The following GALNTL5 variants were observed in gnomAD, a reference collection of about 807,000 sequenced individuals.
GALNTL5 encodes the protein inactive polypeptide N-acetylgalactosaminyltransferase-like protein 5.
A neutral mutation model predicts 51.0 loss-of-function variants in GALNTL5; 44 were observed. The observed-to-expected ratio is 0.86, with a 90% confidence interval of 0.68 to 1.11. GALNTL5 has a LOEUF of 1.11. Among genes scored for constraint, GALNTL5 ranks in the 50% least tolerant of loss-of-function variants. The pLI is 0.00. For missense variants in GALNTL5, 528 were observed against 531.8 expected, an observed-to-expected ratio of 0.99 and a Z score of 0.07; for synonymous variants, 192 against 182.8, an observed-to-expected ratio of 1.05 and a Z score of -0.41.
chr7:152,002,842 A>G lies in GALNTL5; in HGVS notation c.787A>G (p.Thr263Ala). The change falls in exon 6 of 9, where the codon ACT becomes GCT. Residue 263 changes from threonine (T) to alanine (A), a missense_variant. Physicochemically the swap from Thr to Ala is moderately conservative, Grantham distance 58. Transcript: ENST00000392800. ...CCTGATAGATGTCATTGATGATAGA[A>G]CTCTGGAGTATAAGCCCTCTCCTCT... ...CPLIDVIDDR[T>A]LEYKPSPLVR... 8 of 1,614,048 alleles carry G rather than the reference A, an allele frequency of 5.0e-6. No individual in the cohort carries two copies. Among genetic ancestry groups the G allele is most frequent in the Non-Finnish European group, 6.8e-6 (8 of 1,180,006 alleles).
At chr7:152,008,727 G>GTTGT (rs139916189) in intron 7 of GALNTL5, among the ~76,000 whole-genome samples, 50,118 of 150,866 alleles carry the variant, frequency 0.33, 8,573 homozygotes, top group Middle Eastern at 0.39. Flanking sequence ...TGTTGTTTTT[G>GTTGT]TTGTTTGTTT....
intron 6 of GALNTL5, among the ~76,000 whole-genome samples, chr7:152,006,380 A>T (rs929572769): frequency 1.1e-4 from 16 of 152,254 alleles, no homozygotes; most frequent in African/African-American, 3.9e-4. Flanking sequence ...CATAACTGAC[A>T]GGAAGTGGGG....
chr7:152,017,861 TTTGAAACAGAG>T (rs1360844474), intron 8 of GALNTL5, among the ~76,000 whole-genome samples: 2 of 152,160 alleles, frequency 1.3e-5, no homozygotes, highest in Admixed American at 1.3e-4. Context: ...TTTTCTTTCT[TTTGAAACAGAG>T]TCTTGCTCTG....
intron 3 of GALNTL5, among the ~76,000 whole-genome samples, chr7:151,973,841 T>C (rs1282311974): frequency 6.6e-6 from 1 of 152,072 alleles, no homozygotes; most frequent in African/African-American, 2.4e-5. Context: ...TGTTGAATTG[T>C]AATCCTCAGG....
chr7:152,007,962 T>C lies in GALNTL5; in HGVS notation c.1026+18T>C. 7.7e-7 allele frequency: 1 copy of C among 1,300,896 alleles called. No homozygotes were observed. Among genetic ancestry groups the C allele is most frequent in the Non-Finnish European group, 1.1e-6 (1 of 896,834 alleles). 80.6% of individuals were successfully genotyped at this position (1,300,896 alleles called of 1,614,324 possible). Reference sequence around the variant, plus strand: ...CACTAAGGGTAATTCAGATTTCATTTTTAAAATAGCTATAGAGAGTGAAAC... The same window carrying C: ...CACTAAGGGTAATTCAGATTTCATTCTTAAAATAGCTATAGAGAGTGAAAC... On this transcript the variant is annotated intron_variant, in intron 7 of 8. Coordinates refer to ENST00000392800, the MANE Select transcript of GALNTL5 (RefSeq NM_145292.4).
At position 152,008,007 on chromosome 7, in the gene GALNTL5, T is replaced by G. The variant is rs552513873; in HGVS notation, c.1026+63T>G. 9.3e-5 allele frequency: 83 copies of G among 896,718 alleles called. No homozygotes were observed. The South Asian group carries it at 1.1e-3, about 12-fold the overall frequency. The allele number at this position is 896,718 out of a possible 1,614,324, so 55.5% of individuals were successfully genotyped here. A position where few individuals can be genotyped will look rare whatever the true frequency, so the allele number is the denominator to read the frequency against. On this transcript the variant is annotated intron_variant, in intron 7 of 8. Transcript: ENST00000392800. Reference sequence around the variant, plus strand: ...TGAAACCTAACTTTGTCACATACAATGCTGTGGTAATTATGCTCAATTTTC... The same window carrying G: ...TGAAACCTAACTTTGTCACATACAAGGCTGTGGTAATTATGCTCAATTTTC...
intron 1 of GALNTL5, chr7:151,957,754 T>C (rs2080943644): frequency 6.6e-6 from 1 of 152,174 alleles, no homozygotes; most frequent in South Asian, 2.1e-4. Context: ...CTCGTTGAAA[T>C]ATATTTTACA....
intron 5 of GALNTL5, among the ~76,000 whole-genome samples, chr7:151,992,623 C>T (rs751680383): frequency 7.9e-5 from 12 of 152,266 alleles, no homozygotes; most frequent in Admixed American, 1.3e-4. Flanking sequence ...ATGAAGGGCT[C>T]GCTCTACCCT....
intron 6 of GALNTL5, among the ~76,000 whole-genome samples, chr7:152,005,270 AATGATAACTC>A (rs532939942): frequency 1.6e-3 from 241 of 152,278 alleles, no homozygotes; most frequent in Middle Eastern, 0.014. Flanking sequence ...GGCTTAAGCC[AATGATAACTC>A]AAGACCTCCC....
At chr7:152,019,310 A>G (rs2081858976) in intron 8 of GALNTL5, among the ~76,000 whole-genome samples, 1 of 152,078 alleles carries the variant, frequency 6.6e-6, no homozygotes, top group Non-Finnish European at 1.5e-5. Flanking sequence ...AGGACCAGGG[A>G]CTAACGGGGT....
Position 152,007,909 on chromosome 7 carries a change from T to A in GALNTL5, c.991T>A (p.Phe331Ile), listed in dbSNP as rs1463122370. 2.5e-6 allele frequency: 4 copies of A among 1,609,844 alleles called. No homozygotes were observed. Among genetic ancestry groups the A allele is most frequent in the South Asian group, 2.2e-5 (2 of 90,540 alleles). Residue 331 changes from phenylalanine to isoleucine, a missense_variant, in exon 7 of 9, where the codon TTT becomes ATT. By Grantham distance (21) the Phe-to-Ile change is conservative. Coordinates refer to ENST00000392800, the MANE Select transcript of GALNTL5 (RefSeq NM_145292.4). ...TGGACAGTATGACAAGGATATGGAT[T>A]TTTGGGGAAGAGAAAATTTGGAACT... ...EIGQYDKDMD[F>I]WGRENLELSL...
At chr7:151,962,427 T>TTTTTTTTC (rs2081002576) in intron 1 of GALNTL5, among the ~76,000 whole-genome samples, 1 of 61,182 alleles carries the variant, frequency 1.6e-5, no homozygotes, top group African/African-American at 4.6e-5. Flanking sequence ...GTCTGTGTGA[T>TTTTTTTTC]TTTTTTTTCT....
At chr7:152,004,484 T>C (rs1244438475) in intron 6 of GALNTL5, among the ~76,000 whole-genome samples, 1 of 152,120 alleles carries the variant, frequency 6.6e-6, no homozygotes, top group African/African-American at 2.4e-5. Flanking sequence ...ATATAAGGGG[T>C]ACAAGTGCAA....
intron 1 of GALNTL5, among the ~76,000 whole-genome samples, chr7:151,963,081 A>G (rs2081012505): frequency 6.6e-6 from 1 of 152,216 alleles, no homozygotes; most frequent in Admixed American, 6.5e-5. Flanking sequence ...TTGATGCATA[A>G]AATTTCAAGC....
chr7:151,966,267 CTT>C (rs199729215), intron 1 of GALNTL5, among the ~76,000 whole-genome samples: 8 of 143,830 alleles, frequency 5.6e-5, no homozygotes, highest in East Asian at 2.0e-4. Flanking sequence ...TCTTTTCTTT[CTT>C]TTTTTTTTTT....
chr7:151,961,937 C>T (rs946241174), intron 1 of GALNTL5, among the ~76,000 whole-genome samples: 1 of 151,802 alleles, frequency 6.6e-6, no homozygotes, highest in African/African-American at 2.4e-5. Context: ...TCCTGCCCAG[C>T]CCCCAGTTCA....
chr7:152,019,543 AGT>A (rs1321016879), intron 8 of GALNTL5, 101 bp from the exon 9 acceptor site: 2 of 1,167,182 alleles, frequency 1.7e-6, no homozygotes, highest in East Asian at 4.8e-5. Flanking sequence ...GGGCTTTTTT[AGT>A]TCACATGATG....
In GALNTL5 at chr7:152,010,747, G is replaced by A. The variant is rs577825219; in HGVS notation, c.1026+2803G>A. ...CGTGCCACTGCATTCCAGCCTGGGC[G>A]GACAGAGCGAGACTCTGTCTCAAAA... On this transcript the variant is annotated intron_variant, in intron 7 of 8. Transcript: ENST00000392800. Among the ~76,000 whole-genome samples the A allele has an allele frequency of 1.3e-4, 19 of 150,716 alleles. No individual in the cohort carries two copies. The East Asian group carries it at 2.6e-3, about 20-fold the overall frequency.
At position 151,990,194 on chromosome 7, in the gene GALNTL5, C is replaced by T. The variant is rs182011741; in HGVS notation, c.658+2913C>T. Among the ~76,000 whole-genome samples the T allele has an allele frequency of 4.3e-3, 646 of 151,972 alleles. 2 individuals carry two copies. Among genetic ancestry groups the T allele is most frequent in the Admixed American group, 6.6e-3 (101 of 15,252 alleles). ...AGTAGCTGGGATTACAGGTGCCTGC[C>T]ACCTCACCCAGCTAATATTTTGTAT... On this transcript the variant is annotated intron_variant, in intron 5 of 8. Transcript: ENST00000392800.
Sources: allele counts gnomAD v4.1 joint callset (sites outside exome capture counted in the v4.1 genomes callset), GRCh38; gene constraint gnomAD v4.1.1; transcripts MANE v1.5; gene names NCBI Gene and HGNC (gene_info 2026-07-23, HGNC 2026-07-21).